The following TEX11 variants were observed in gnomAD, a reference collection of about 807,000 sequenced individuals.
The protein encoded by TEX11 is testis-expressed protein 11.
Under a neutral mutation model 84.4 loss-of-function variants are expected in TEX11, and 7 were observed. The observed-to-expected ratio is 0.08, with a 90% CI of 0.05 to 0.16. The LOEUF (loss-of-function observed/expected upper bound fraction) is 0.16. Among genes scored for constraint, TEX11 ranks in the 10% least tolerant of loss-of-function variants. TEX11 has a pLI of 1.00. For synonymous variants in TEX11, 264 were observed against 222.8 expected, an observed-to-expected ratio of 1.18 and a Z score of -1.64; for missense variants, 551 against 660.5, an observed-to-expected ratio of 0.83 and a Z score of 1.82.
At chrX:70,570,636 G>A (rs2088581637) in intron 25 of TEX11, among the ~76,000 whole-genome samples, 1 of 111,790 alleles carries the variant, frequency 8.9e-6, no homozygotes, top group Non-Finnish European at 1.9e-5. Flanking sequence ...GGTATTTAAG[G>A]TTGCATTTCT....
rs150010465 is a variant in TEX11, at chrX:70,551,359, A to G, written c.2520+767T>C. Among the ~76,000 whole-genome samples, 583 of 111,248 alleles carry G rather than the reference A, an allele frequency of 5.2e-3. 3 individuals carry two copies. Among genetic ancestry groups the G allele is most frequent in the African/African-American group, 0.018 (543 of 30,654 alleles). ...GGGTGATTATAATCAACAATAATTT[A>G]ATTGTACATTTTAAAAAACTAAAAG... On this transcript the variant is annotated intron_variant, in intron 28 of 29. Coordinates refer to ENST00000374333, the MANE Select transcript of TEX11 (RefSeq NM_031276.3).
At chrX:70,578,629 A>G (rs753907724) in intron 25 of TEX11, among the ~76,000 whole-genome samples, 11 of 111,036 alleles carry the variant, frequency 9.9e-5, no homozygotes, top group Non-Finnish European at 2.1e-4. Context: ...ATATTTTCCT[A>G]TCTCTGGGGA....
chrX:70,864,920 C>T (rs747443905), intron 4 of TEX11, among the ~76,000 whole-genome samples: 29 of 110,320 alleles, frequency 2.6e-4, no homozygotes, highest in African/African-American at 8.6e-4. Context: ...AAGAAAAAAC[C>T]GGTAACAGCC....
Position 70,817,238 on chromosome X carries a change from CACACACATATATATAT to C in TEX11, c.607-10464_607-10449del, listed in dbSNP as rs758992614. ...TTATATACACATACACATACACACA[CACACACATATATATAT>C]ACACACACACACACACACACACACA... On this transcript the variant is annotated intron_variant, in intron 8 of 29. Coordinates refer to ENST00000374333, the MANE Select transcript of TEX11 (RefSeq NM_031276.3). 3.1e-3 allele frequency among the ~76,000 whole-genome samples: 275 copies of C among 88,260 alleles called. 3 individuals are homozygous for C. In the East Asian group the frequency reaches 0.042, roughly 13 times the overall value. 76.6% of individuals were successfully genotyped at this position (88,260 alleles called of 115,157 possible).
At chrX:70,813,578 A>G (rs2091269853) in intron 8 of TEX11, among the ~76,000 whole-genome samples, 1 of 110,722 alleles carries the variant, frequency 9.0e-6, no homozygotes, top group Non-Finnish European at 1.9e-5. Context: ...TATTCAACAT[A>G]GTGTTGGAAG....
At chrX:70,833,309 G>GAAAAA (rs1217068977) in intron 8 of TEX11, among the ~76,000 whole-genome samples, 1 of 106,753 alleles carries the variant, frequency 9.4e-6, no homozygotes, top group African/African-American at 3.4e-5. Flanking sequence ...GAAAAGAAAA[G>GAAAAA]AAAAAAAAGA....
intron 9 of TEX11, among the ~76,000 whole-genome samples, chrX:70,805,863 C>T (rs1480911671): frequency 8.0e-5 from 9 of 112,307 alleles, no homozygotes; most frequent in Admixed American, 7.6e-4. Context: ...GGTTCTTGCA[C>T]ATTTCCTATA....
At chrX:70,575,211 G>T (rs913049186) in intron 25 of TEX11, among the ~76,000 whole-genome samples, 2 of 111,744 alleles carry the variant, frequency 1.8e-5, no homozygotes, top group South Asian at 3.8e-4. Flanking sequence ...GGAAGCTATT[G>T]CAGTGGTCCA....
Position 70,640,063 on chromosome X carries a change from G to T in TEX11, c.1484-10328C>A, listed in dbSNP as rs1331457938. On this transcript the variant is annotated intron_variant, in intron 17 of 29. Coordinates refer to ENST00000374333, the MANE Select transcript of TEX11 (RefSeq NM_031276.3). ...GTATAACTAGAATAACCAATACAGAGAAGTGCTTAAAGGAGCTGATGGAGC... is the reference window on the plus strand; with the variant it reads ...GTATAACTAGAATAACCAATACAGATAAGTGCTTAAAGGAGCTGATGGAGC... 5.5e-5 allele frequency among the ~76,000 whole-genome samples: 6 copies of T among 108,170 alleles called. No individual in the cohort carries two copies. The Admixed American group carries it at 5.9e-4, about 11-fold the overall frequency. 93.9% of individuals were successfully genotyped at this position (108,170 alleles called of 115,157 possible). A position where few individuals can be genotyped will look rare whatever the true frequency, so the allele number is the denominator to read the frequency against.
At chrX:70,864,413 C>G (rs998914680) in intron 4 of TEX11, among the ~76,000 whole-genome samples, 2 of 110,910 alleles carry the variant, frequency 1.8e-5, no homozygotes, top group African/African-American at 6.5e-5. Flanking sequence ...AGCCAGAAGA[C>G]AGTGGGGGCC....
At chrX:70,781,079 G>A in intron 9 of TEX11, among the ~76,000 whole-genome samples, 1 of 111,618 alleles carries the variant, frequency 9.0e-6, no homozygotes, top group Middle Eastern at 4.7e-3. Context: ...CCTCATATAG[G>A]CAGATGCCCC....
At chrX:70,705,572 C>T (rs770122529) in intron 13 of TEX11, among the ~76,000 whole-genome samples, 1 of 111,301 alleles carries the variant, frequency 9.0e-6, no homozygotes, top group South Asian at 3.8e-4. Flanking sequence ...TGACAAAGGG[C>T]TAATATCCAG....
intron 28 of TEX11, among the ~76,000 whole-genome samples, chrX:70,534,627 T>C (rs984351491): frequency 4.5e-5 from 5 of 111,222 alleles, no homozygotes; most frequent in Admixed American, 3.8e-4. Context: ...TTAAACCAGT[T>C]TTCTCTGTCC....
chrX:70,750,933 A>AAAAAAAATATATATATAT (rs1390175136), intron 9 of TEX11, among the ~76,000 whole-genome samples: 7 of 28,196 alleles, frequency 2.5e-4, no homozygotes, highest in Admixed American at 1.1e-3. Flanking sequence ...AAAAAAAAAA[A>AAAAAAAATATATATATAT]ATATATATAT....
the TEX11 span, among the ~76,000 whole-genome samples, chrX:70,511,666 T>C: frequency 1.1e-5 from 1 of 94,514 alleles, no homozygotes. Context: ...GGCAGGAGAA[T>C]CACCTGAACC....
chrX:70,744,655 C>T (rs913662565), intron 9 of TEX11, among the ~76,000 whole-genome samples: 2 of 109,234 alleles, frequency 1.8e-5, no homozygotes, highest in African/African-American at 6.6e-5. Context: ...TGTATACAAG[C>T]TCTTAGTTGG....
At chrX:70,522,904 A>G in the TEX11 span, among the ~76,000 whole-genome samples, 9 of 109,574 alleles carry the variant, frequency 8.2e-5, no homozygotes, top group African/African-American at 2.7e-4. Flanking sequence ...CTGACCAAGG[A>G]AGAATATAAG....
At chrX:70,796,930 C>T (rs140503899) in intron 9 of TEX11, among the ~76,000 whole-genome samples, 3 of 111,677 alleles carry the variant, frequency 2.7e-5, no homozygotes, top group African/African-American at 9.8e-5. Context: ...TCACACCAGT[C>T]GAAGTGGTTT....
At chrX:70,722,806 A>T (rs1395575567) in intron 12 of TEX11, 110 bp from the exon 13 acceptor site, 17 of 589,603 alleles carry the variant, frequency 2.9e-5, no homozygotes, top group Non-Finnish European at 4.5e-5. Flanking sequence ...TTTGCCATAT[A>T]CCATGTTTTG....
Sources: allele counts gnomAD v4.1 joint callset (sites outside exome capture counted in the v4.1 genomes callset), GRCh38; gene constraint gnomAD v4.1.1; transcripts MANE v1.5; gene names NCBI Gene and HGNC (gene_info 2026-07-23, HGNC 2026-07-21).